The following MCCC1 variants were observed in gnomAD, a reference collection of about 807,000 sequenced individuals.
The protein encoded by MCCC1 is methylcrotonoyl-CoA carboxylase subunit alpha, mitochondrial.
MCCC1 carries 64 observed loss-of-function variants against 83.8 expected under a neutral mutation model. That is an observed-to-expected ratio of 0.76 (90% CI 0.62 to 0.94). MCCC1 has a LOEUF of 0.94. Ranked by LOEUF, MCCC1 falls within the 40% of genes least tolerant of loss-of-function variation. MCCC1 has a pLI of 0.00. For missense variants in MCCC1, 807 were observed against 904.7 expected, an observed-to-expected ratio of 0.89 and a Z score of 1.39; for synonymous variants, 322 against 315.4, an observed-to-expected ratio of 1.02 and a Z score of -0.22.
chr3:183,016,713 T>C (rs1442691266), intron 18 of MCCC1, among the ~76,000 whole-genome samples: 1 of 152,248 alleles, frequency 6.6e-6, no homozygotes, highest in Non-Finnish European at 1.5e-5. Flanking sequence ...TTTGCACCAT[T>C]GTCAAGCTGA....
At chr3:183,107,230 C>A (rs972388758) in intron 1 of MCCC1, among the ~76,000 whole-genome samples, 30 of 151,762 alleles carry the variant, frequency 2.0e-4, no homozygotes, top group Admixed American at 6.6e-5. Flanking sequence ...CATGGTGAAA[C>A]CCCATCTCTA....
rs760673264 is a variant in MCCC1, at chr3:183,092,361, C to T, written c.273+48G>A. ...ATCATAAAGAACGAAAATACTGACA[C>T]AGTAAACGAATAAACGTAAGACGTG... On this transcript the variant is annotated intron_variant, in intron 3 of 18. Coordinates refer to ENST00000265594, the MANE Select transcript of MCCC1 (RefSeq NM_020166.5). 9 of 1,612,720 alleles carry T rather than the reference C, an allele frequency of 5.6e-6. No individual in the cohort carries two copies. In the Admixed American group the frequency reaches 1.0e-4, roughly 18 times the overall value.
At chr3:183,085,656 A>G (rs1717841615) in intron 4 of MCCC1, among the ~76,000 whole-genome samples, 1 of 143,748 alleles carries the variant, frequency 7.0e-6, no homozygotes, top group Admixed American at 7.0e-5. Flanking sequence ...AAAAAAAAAG[A>G]ATGTTCTAAA....
rs1015393874 is a variant in MCCC1 at position 183,064,113 on chromosome 3, G to C, written c.762-6691C>G. ...GGCTAAGAATGGGTTTGGCACTATG[G>C]ATGTTAACTGCTATTCTGTTTGAAT... On this transcript the variant is annotated intron_variant, in intron 7 of 18. Coordinates refer to ENST00000265594, the MANE Select transcript of MCCC1 (RefSeq NM_020166.5). The surrounding 1 kb of genome is among the most constrained non-coding windows in gnomAD (Gnocchi z 4.5). Among the ~76,000 whole-genome samples, 13 of 152,242 alleles carry C rather than the reference G, an allele frequency of 8.5e-5. No individual in the cohort carries two copies. Among genetic ancestry groups the C allele is most frequent in the Admixed American group, 7.8e-4 (12 of 15,294 alleles).
upstream of MCCC1, among the ~76,000 whole-genome samples, chr3:183,103,988 G>A (rs1450901320): frequency 1.3e-5 from 2 of 152,174 alleles, no homozygotes; most frequent in South Asian, 2.1e-4. Flanking sequence ...CGCTGGCCCG[G>A]GTGCTAAGCC....
At chr3:183,025,944 A>G (rs558339820) in intron 14 of MCCC1, 140 bp from the exon 15 acceptor site, 1 of 718,224 alleles carries the variant, frequency 1.4e-6, no homozygotes, top group Non-Finnish European at 2.4e-6. Flanking sequence ...CTTCTTGGAA[A>G]TAAAGTATTT....
chr3:183,112,675 C>A (rs938825056), intron 1 of MCCC1, among the ~76,000 whole-genome samples: 3 of 152,176 alleles, frequency 2.0e-5, no homozygotes, highest in Admixed American at 6.5e-5. Context: ...AAATTTCAAC[C>A]ATCATTTAAT....
rs76048620 is a variant in MCCC1 at position 183,018,863 on chromosome 3, C to A, written c.1977+1267G>T. 8.4e-3 allele frequency among the ~76,000 whole-genome samples: 1,284 copies of A among 152,250 alleles called. 20 individuals are homozygous for A. The highest frequency in any genetic ancestry group is 0.03 in the African/African-American group (1,229 of 41,520). ...AAATGTGAAGACAATCTTCATGCAA[C>A]AGAATCAAACTTATTAGCAACCCCA... On this transcript the variant is annotated intron_variant, in intron 17 of 18. Transcript: ENST00000265594.
rs759223075 is a variant in MCCC1 at position 183,071,163 on chromosome 3, A to G, written c.640-43T>C. Reference sequence around the variant, plus strand: ...ATTATGACTACAACATAAATAAAACAAAGAAGACAAGCCTGAATTGGCAAA... The same window carrying G: ...ATTATGACTACAACATAAATAAAACGAAGAAGACAAGCCTGAATTGGCAAA... On this transcript the variant is annotated intron_variant, in intron 6 of 18. Transcript: ENST00000265594. 3.0e-5 allele frequency: 49 copies of G among 1,614,212 alleles called. No homozygotes were observed. The South Asian group carries it at 5.2e-4, about 17-fold the overall frequency.
At chr3:183,038,875 G>C in intron 12 of MCCC1, 151 bp downstream of exon 12, 4 of 731,642 alleles carry the variant, frequency 5.5e-6, no homozygotes, top group Non-Finnish European at 9.7e-6. Flanking sequence ...TCTGGCCCAC[G>C]CAAAATTCTC....
chr3:183,056,010 T>C (rs1715398355), intron 8 of MCCC1, among the ~76,000 whole-genome samples: 1 of 152,208 alleles, frequency 6.6e-6, no homozygotes, highest in Admixed American at 6.5e-5. Flanking sequence ...CTTAAAATAA[T>C]GGGAAACCTT....
At chr3:183,054,586 A>G (rs893696640) in intron 8 of MCCC1, among the ~76,000 whole-genome samples, 5 of 152,170 alleles carry the variant, frequency 3.3e-5, no homozygotes. Context: ...AAAGTTTATA[A>G]AGCAAAAAAG....
At chr3:183,038,533 G>A (rs539933319) in intron 12 of MCCC1, among the ~76,000 whole-genome samples, 2 of 152,222 alleles carry the variant, frequency 1.3e-5, no homozygotes, top group African/African-American at 2.4e-5. Flanking sequence ...GGGACTTTCT[G>A]CACCAAGGAA....
intron 7 of MCCC1, among the ~76,000 whole-genome samples, chr3:183,069,279 A>G (rs1183229233): frequency 6.6e-6 from 1 of 152,258 alleles, no homozygotes; most frequent in Non-Finnish European, 1.5e-5. Context: ...CTAACATTTC[A>G]TAAGTAAAGA....
intron 1 of MCCC1, among the ~76,000 whole-genome samples, chr3:183,111,196 G>C (rs534206731): frequency 1.3e-5 from 2 of 152,110 alleles, no homozygotes; most frequent in African/African-American, 4.8e-5. Context: ...CTGGATTTCC[G>C]CTTCTGTCAA....
chr3:183,032,489 C>A (rs994560874), intron 14 of MCCC1, among the ~76,000 whole-genome samples: 8 of 152,166 alleles, frequency 5.3e-5, no homozygotes, highest in African/African-American at 1.9e-4. Flanking sequence ...AAAGGCTTAA[C>A]AATATGCCCA....
chr3:183,047,087 G>A (rs1437389412), intron 9 of MCCC1, among the ~76,000 whole-genome samples: 1 of 152,116 alleles, frequency 6.6e-6, no homozygotes, highest in Non-Finnish European at 1.5e-5. Flanking sequence ...GCTCAGAAGG[G>A]AAATGAAACC....
intron 12 of MCCC1, among the ~76,000 whole-genome samples, chr3:183,037,866 T>C (rs1290176052): frequency 6.6e-6 from 1 of 152,178 alleles, no homozygotes; most frequent in Non-Finnish European, 1.5e-5. Context: ...GGGGAGAGGA[T>C]AGGATTAAAT....
chr3:183,081,154 A>G (rs917611616), intron 4 of MCCC1, among the ~76,000 whole-genome samples: 10 of 152,256 alleles, frequency 6.6e-5, no homozygotes, highest in Non-Finnish European at 1.2e-4. Flanking sequence ...GAACAATTTA[A>G]TATAACCAAA....
Sources: allele counts gnomAD v4.1 joint callset (sites outside exome capture counted in the v4.1 genomes callset), GRCh38; gene constraint gnomAD v4.1.1; non-coding constraint Gnocchi (gnomAD v3.1); transcripts MANE v1.5; gene names NCBI Gene and HGNC (gene_info 2026-07-23, HGNC 2026-07-21).